Variants in GPR179 observed in about 807,000 individuals in gnomAD.
GPR179 encodes G protein-coupled receptor 179, also known as probable G protein-coupled receptor 179.
In GPR179, 52 loss-of-function variants were observed where a neutral mutation model predicts 70.8. The ratio of observed to expected loss-of-function variants is 0.73; its 90% CI spans 0.59 to 0.93. The LOEUF (loss-of-function observed/expected upper bound fraction) is 0.93. Among genes scored for constraint, GPR179 ranks in the 40% least tolerant of loss-of-function variants. GPR179 has a pLI of 0.00. For synonymous variants in GPR179, 1,123 were observed against 1,169.0 expected (o/e 0.96, Z 0.80); for missense variants, 2,734 against 2,966.8 (o/e 0.92, Z 1.82).
chr17:38,335,067 A>G lies in GPR179; in HGVS notation c.1611T>C (p.Cys537=), dbSNP rs2037391411. Residue 537 remains cysteine, a synonymous_variant, in exon 7 of 11, where the codon TGT becomes TGC. Coordinates refer to ENST00000616987, the MANE Select transcript of GPR179 (RefSeq NM_001004334.4). ...TGATGTAGTCCCAGCGGTCGTGGTG[A>G]CAGAGGTAGAAATGGCGGCCACTGG... ...HTPSGRHFYL[C]HHDRWDYIMV... The G allele has an allele frequency of 6.2e-7, 1 of 1,613,712 alleles. No homozygotes were observed. Among genetic ancestry groups the G allele is most frequent in the East Asian group, 2.2e-5 (1 of 44,874 alleles).
At position 38,330,004 on chromosome 17, in the gene GPR179, C is replaced by T. The variant is rs531771174; in HGVS notation, c.3565G>A (p.Glu1189Lys). ...RGRRMTQGLG[E>K]RKAERAGKTG... ...TTACCTGCTCTCTCAGCTTTCCGTTCCCCTAGACCCTGGGTCATCCTCCTG... is the reference window on the plus strand; with the variant it reads ...TTACCTGCTCTCTCAGCTTTCCGTTTCCCTAGACCCTGGGTCATCCTCCTG... Residue 1189 changes from glutamate (E) to lysine (K), a missense_variant, in exon 11 of 11, where the codon GAA (glutamate) becomes AAA (lysine). Glu to Lys is a moderately conservative substitution (Grantham distance 56, BLOSUM62 1). Coordinates refer to ENST00000616987, the MANE Select transcript of GPR179 (RefSeq NM_001004334.4). The T allele has an allele frequency of 1.2e-6, 2 of 1,614,112 alleles. No individual in the cohort carries two copies. Among genetic ancestry groups the T allele is most frequent in the Non-Finnish European group, 1.7e-6 (2 of 1,180,054 alleles).
rs1279209089 is a variant in GPR179, at chr17:38,335,199, G to C, written c.1479C>G (p.His493Gln). Residue 493 changes from histidine (H) to glutamine (Q), a missense_variant, in exon 7 of 11, where the codon CAC becomes CAG. Physicochemically the swap from His to Gln is conservative, Grantham distance 24. Transcript: ENST00000616987. ...GCACAGGTAGCAGGAGCAGCCCCAG[G>C]TGCCGCAGCAGCCGCCCGCTGCTCA... ...ALLSSGRLLR[H>Q]LGLLLLPVLG... The C allele has an allele frequency of 6.4e-7, 1 of 1,562,824 alleles. No individual in the cohort carries two copies. Among genetic ancestry groups the C allele is most frequent in the East Asian group, 2.4e-5 (1 of 41,784 alleles).
Position 38,331,161 on chromosome 17 carries a change from C to T in GPR179, c.2408G>A (p.Ser803Asn), listed in dbSNP as rs1290650102. 1 of 1,608,048 alleles carries T rather than the reference C, an allele frequency of 6.2e-7. No individual in the cohort carries two copies. The highest frequency in any genetic ancestry group is 1.1e-5 in the South Asian group (1 of 90,712). The change falls in exon 11 of 11, where the codon AGC (serine) becomes AAC (asparagine). Residue 803 changes from serine (S) to asparagine (N), a missense_variant. Ser to Asn is a conservative substitution (Grantham distance 46). Transcript: ENST00000616987. ...KLAKKASRTE[S>N]RESVEGPPAL... is the part of the protein sequence containing the mutation. ...AGGGGGCCCCTCCACCGACTCCCGG[C>T]TCTCTGTTCGAGAGGCCTTCTTGGC...
At chr17:38,338,576 G>A (rs1433944023) in intron 2 of GPR179, among the ~76,000 whole-genome samples, 1 of 152,190 alleles carries the variant, frequency 6.6e-6, no homozygotes, top group Non-Finnish European at 1.5e-5. Flanking sequence ...ATGTGTCTGG[G>A]TTAAACAGTG....
chr17:38,327,769 C>G lies in GPR179; in HGVS notation c.5800G>C (p.Ala1934Pro), dbSNP rs1042358652. 9 of 1,613,998 alleles carry G rather than the reference C, an allele frequency of 5.6e-6. No homozygotes were observed. Among genetic ancestry groups the G allele is most frequent in the African/African-American group, 1.3e-5 (1 of 74,888 alleles). The change falls in exon 11 of 11, where the codon GCT (alanine) becomes CCT (proline). Residue 1934 changes from alanine (A) to proline (P), a missense_variant. Physicochemically the swap from Ala to Pro is conservative, Grantham distance 27. Transcript: ENST00000616987. ...AATTCTTCTGTGTCTGCAGCTGGAG[C>G]TTTTTCTTGGGTTATGTGTTCTGGG... is the stretch of plus-strand genomic sequence containing the variant. ...SFPEHITQEK[A>P]PAADTEEFTT...
At position 38,326,851 on chromosome 17, in the gene GPR179, C is replaced by T; in HGVS notation, c.6718G>A (p.Asp2240Asn). 6.2e-7 allele frequency: 1 copy of T among 1,614,242 alleles called. No homozygotes were observed. The highest frequency in any genetic ancestry group is 8.5e-7 in the Non-Finnish European group (1 of 1,180,044). ...EGNKIKGTMA[D>N]ICPGEETGVP... is the part of the protein sequence containing the mutation. ...CCAGTTTCCTCCCCAGGACAGATGT[C>T]TGCCATGGTACCCTTTATTTTATTT... Residue 2240 changes from aspartate to asparagine, a missense_variant, in exon 11 of 11, where the codon GAC becomes AAC. Transcript: ENST00000616987.
intron 4 of GPR179, 61 bp downstream of exon 4, chr17:38,336,917 T>C: frequency 1.3e-6 from 2 of 1,502,232 alleles, no homozygotes; most frequent in Non-Finnish European, 1.8e-6. Context: ...TCTTAGGTAG[T>C]CTCAGGCCTC....
At chr17:38,331,724 C>T (rs2037362162) in intron 10 of GPR179, among the ~76,000 whole-genome samples, 193 bp from the exon 11 acceptor site, 1 of 152,190 alleles carries the variant, frequency 6.6e-6, no homozygotes, top group Admixed American at 6.5e-5. Flanking sequence ...ACCTGAGTCC[C>T]AGCCAGATCC....
In GPR179 at chr17:38,333,306, C is replaced by T; in HGVS notation, c.1982G>A (p.Gly661Asp). 1 of 1,614,080 alleles carries T rather than the reference C, an allele frequency of 6.2e-7. No individual in the cohort carries two copies. The highest frequency in any genetic ancestry group is 8.5e-7 in the Non-Finnish European group (1 of 1,179,988). The stretch of plus-strand genomic sequence containing the variant: ...ACTCCAGGCTGAGGCGATGCTGCTG[C>T]CAAGGTAGGAGCCTGAGTGCTGCAG... ...LDLQHSGSYL[G>D]SSIASAWSEH... Residue 661 changes from glycine to aspartate, a missense_variant, in exon 10 of 11, where the codon GGC becomes GAC. Transcript: ENST00000616987.
rs778452423 is a variant in GPR179, at chr17:38,331,285, G to A, written c.2284C>T (p.Pro762Ser). The A allele has an allele frequency of 3.1e-6, 5 of 1,598,116 alleles. No individual in the cohort carries two copies. Among genetic ancestry groups the A allele is most frequent in the Non-Finnish European group, 4.3e-6 (5 of 1,173,038 alleles). ...TTGTGCAGAGCTGGTGTCCCCTCGG[G>A]TTCCTGGAGGCTGGAGCTGAGGAGC... ...RRLLSSSLQE[P>S]EGTPALHKSR... Residue 762 changes from proline (P) to serine (S), a missense_variant, in exon 11 of 11, where the codon CCC becomes TCC. Physicochemically the swap from Pro to Ser is moderately conservative, Grantham distance 74 (BLOSUM62 -1). Transcript: ENST00000616987.
chr17:38,324,912 C>G lies in GPR179; in HGVS notation c.*1553G>C, dbSNP rs1406602076. On this transcript the variant is annotated 3_prime_UTR_variant, in exon 11 of 11. Coordinates refer to ENST00000616987, the MANE Select transcript of GPR179 (RefSeq NM_001004334.4). Reference sequence around the variant, plus strand: ...TACTTTCTCTGTGAAGTCCCATAACCGCCCAGCATATTTACATGCAGACTA... The same window carrying G: ...TACTTTCTCTGTGAAGTCCCATAACGGCCCAGCATATTTACATGCAGACTA... Among the ~76,000 whole-genome samples, 1 of 152,152 alleles carries G rather than the reference C, an allele frequency of 6.6e-6. No homozygotes were observed. The highest frequency in any genetic ancestry group is 1.5e-5 in the Non-Finnish European group (1 of 68,032).
Position 38,328,302 on chromosome 17 carries a change from G to A in GPR179, c.5267C>T (p.Pro1756Leu), listed in dbSNP as rs746656242. 4 of 1,613,932 alleles carry A rather than the reference G, an allele frequency of 2.5e-6. No homozygotes were observed. The East Asian group carries it at 8.9e-5, about 36-fold the overall frequency. The stretch of plus-strand genomic sequence containing the variant: ...CCAGGGACAAGCCACCTCCCACTCT[G>A]GGGTTGGCTTCTGTGGCTTCTCTGG... ...TAPEKPQKPT[P>L]EWEVACPWGS... Residue 1756 changes from proline to leucine, a missense_variant, in exon 11 of 11, where the codon CCA (proline) becomes CTA (leucine). Pro to Leu is a moderately conservative substitution (Grantham distance 98). Coordinates refer to ENST00000616987, the MANE Select transcript of GPR179 (RefSeq NM_001004334.4).
At position 38,325,065 on chromosome 17, in the gene GPR179, C is replaced by T. The variant is rs2037273003; in HGVS notation, c.*1400G>A. Reference sequence around the variant, plus strand: ...GTGACTTACTGCCATCTTTAGTGCCCCTGTGCAGCTCTGCCTTCTCTAGCT... The same window carrying T: ...GTGACTTACTGCCATCTTTAGTGCCTCTGTGCAGCTCTGCCTTCTCTAGCT... On this transcript the variant is annotated 3_prime_UTR_variant, in exon 11 of 11. Transcript: ENST00000616987. 4.6e-5 allele frequency among the ~76,000 whole-genome samples: 7 copies of T among 152,084 alleles called. No homozygotes were observed. The highest frequency in any genetic ancestry group is 1.4e-4 in the African/African-American group (6 of 41,402).
Position 38,331,042 on chromosome 17 carries a change from C to T in GPR179, c.2527G>A (p.Val843Met). 1.2e-6 allele frequency: 2 copies of T among 1,608,346 alleles called. No individual in the cohort carries two copies. Among genetic ancestry groups the T allele is most frequent in the Non-Finnish European group, 1.7e-6 (2 of 1,179,940 alleles). Residue 843 changes from valine to methionine, a missense_variant, in exon 11 of 11, where the codon GTG (valine) becomes ATG (methionine). Coordinates refer to ENST00000616987, the MANE Select transcript of GPR179 (RefSeq NM_001004334.4). Reference sequence around the variant, plus strand: ...AAGGCCTTTTCCCTGGAGCTGGCCACACTGAGCGACTTCTGCAGAGAGGCG... The same window carrying T: ...AAGGCCTTTTCCCTGGAGCTGGCCATACTGAGCGACTTCTGCAGAGAGGCG... ...RPASLQKSLS[V>M]ASSREKALLM...
At position 38,327,403 on chromosome 17, in the gene GPR179, C is replaced by A; in HGVS notation, c.6166G>T (p.Gly2056Cys). 9.3e-6 allele frequency: 15 copies of A among 1,614,220 alleles called. No homozygotes were observed. Among genetic ancestry groups the A allele is most frequent in the Non-Finnish European group, 1.2e-5 (14 of 1,180,048 alleles). ...TCTGGCTTTTTCTGAACTGGCACACCTTTTGGCTCTGATTTTTCTGGGGCT... is the reference window on the plus strand; with the variant it reads ...TCTGGCTTTTTCTGAACTGGCACACATTTTGGCTCTGATTTTTCTGGGGCT... ...GRAPEKSEPK[G>C]VPVQKKPEMA... Residue 2056 changes from glycine to cysteine, a missense_variant, in exon 11 of 11, where the codon GGT becomes TGT. Physicochemically the swap from Gly to Cys is radical, Grantham distance 159. Transcript: ENST00000616987.
chr17:38,328,255 A>G lies in GPR179; in HGVS notation c.5314T>C (p.Cys1772Arg). ...TCTAGAGTACCTGGATGCTGAGAAC[A>G]GGCCCCTGGACCCACACTCCCCCAG... ...CPWGSVGPGA[C>R]SQHPGTLDAD... The change falls in exon 11 of 11, where the codon TGT (cysteine) becomes CGT (arginine). Residue 1772 changes from cysteine to arginine, a missense_variant. Physicochemically the swap from Cys to Arg is radical, Grantham distance 180 (BLOSUM62 -3). Transcript: ENST00000616987. 6.2e-7 allele frequency: 1 copy of G among 1,613,794 alleles called. No individual in the cohort carries two copies. The highest frequency in any genetic ancestry group is 1.1e-5 in the South Asian group (1 of 91,084).
chr17:38,338,281 A>C (rs553927802), intron 2 of GPR179, among the ~76,000 whole-genome samples: 2 of 152,012 alleles, frequency 1.3e-5, no homozygotes, highest in African/African-American at 4.8e-5. Flanking sequence ...CCTTTATTCC[A>C]CCTCCTCCTA....
At chr17:38,338,271 C>A (rs1242384429) in intron 2 of GPR179, among the ~76,000 whole-genome samples, 1 of 152,226 alleles carries the variant, frequency 6.6e-6, no homozygotes, top group Non-Finnish European at 1.5e-5. Context: ...CCAAGGCCAG[C>A]CTTTATTCCA....
In GPR179 at chr17:38,343,650, A is replaced by G; in HGVS notation, c.140T>C (p.Val47Ala). The G allele has an allele frequency of 6.2e-7, 1 of 1,613,350 alleles. No homozygotes were observed. Among genetic ancestry groups the G allele is most frequent in the Non-Finnish European group, 8.5e-7 (1 of 1,179,622 alleles). The change falls in exon 1 of 11, where the codon GTA becomes GCA. Residue 47 changes from valine (V) to alanine (A), a missense_variant. Transcript: ENST00000616987. This position sits in a 1 kb window ranked among gnomAD's most constrained non-coding sequence, Gnocchi z 4.2. ...PLSSQVKPGS[V>A]PMQVPLEGAE... ...CCCCTCTAGGGGCACCTGCATGGGTACAGATCCTGGCTTGACTTGGGAAGA... is the reference window on the plus strand; with the variant it reads ...CCCCTCTAGGGGCACCTGCATGGGTGCAGATCCTGGCTTGACTTGGGAAGA...
Sources: gnomAD v4.1 joint callset for allele counts (sites outside exome capture counted in the v4.1 genomes callset) on GRCh38, gnomAD v4.1.1 for gene constraint, Gnocchi (gnomAD v3.1) non-coding constraint, MANE v1.5 for transcripts, NCBI Gene and HGNC (gene_info 2026-07-23, HGNC 2026-07-21) for gene names.